Variants in CELF4 observed in about 807,000 individuals in gnomAD.
The protein encoded by CELF4 is CUG-BP- and ETR-3-like factor 4.
A neutral mutation model predicts 59.9 loss-of-function variants in CELF4; 18 were observed. The observed-to-expected ratio is 0.30, with a 90% CI of 0.21 to 0.45. The LOEUF is 0.45. CELF4 is among the 20% of genes least tolerant of loss of function. The pLI is 1.00. For missense variants in CELF4, 456 were observed against 689.0 expected, an observed-to-expected ratio of 0.66 and a Z score of 3.79; for synonymous variants, 261 against 267.1, an observed-to-expected ratio of 0.98 and a Z score of 0.22.
intron 3 of CELF4, among the ~76,000 whole-genome samples, chr18:37,299,944 A>T (rs991254656): frequency 1.3e-5 from 2 of 152,100 alleles, no homozygotes; most frequent in East Asian, 3.9e-4. Flanking sequence ...GTGCAGAGCC[A>T]CAACCCCCAC....
chr18:37,261,158 C>T lies in CELF4; in HGVS notation c.1250-1894G>A, dbSNP rs113906443. On this transcript the variant is annotated intron_variant, in intron 10 of 12. Transcript: ENST00000420428. ...GGGTGGGGCTCTTTCTCTTTTATGT[C>T]TAGAGGTTTTTCTCTCCAACCAGAC... Among the ~76,000 whole-genome samples, 310 of 152,286 alleles carry T rather than the reference C, an allele frequency of 2.0e-3. 2 individuals are homozygous for T. The highest frequency in any genetic ancestry group is 6.8e-3 in the African/African-American group (281 of 41,552).
At chr18:37,391,553 C>T (rs1207753821) in intron 2 of CELF4, among the ~76,000 whole-genome samples, 1 of 152,214 alleles carries the variant, frequency 6.6e-6, no homozygotes, top group Non-Finnish European at 1.5e-5. Context: ...ATGTCTCTGT[C>T]ATTGCCATGA....
intron 1 of CELF4, among the ~76,000 whole-genome samples, chr18:37,545,211 G>A (rs2099980613): frequency 6.6e-6 from 1 of 152,214 alleles, no homozygotes; most frequent in African/African-American, 2.4e-5. Context: ...GGTGTGAGGA[G>A]CGGGTAGTGT....
At chr18:37,400,640 G>A (rs1043657294) in intron 2 of CELF4, among the ~76,000 whole-genome samples, 6 of 152,190 alleles carry the variant, frequency 3.9e-5, no homozygotes, top group African/African-American at 1.2e-4. Flanking sequence ...CAACTGCCCA[G>A]TCCAGCTTCC....
At chr18:37,541,008 G>A (rs1003678427) in intron 1 of CELF4, among the ~76,000 whole-genome samples, 1 of 152,158 alleles carries the variant, frequency 6.6e-6, no homozygotes, top group Admixed American at 6.5e-5. Context: ...TGACCTCATA[G>A]TGTGCATCAC....
chr18:37,526,404 C>G (rs539851465), intron 1 of CELF4, among the ~76,000 whole-genome samples: 2 of 152,306 alleles, frequency 1.3e-5, no homozygotes, highest in South Asian at 4.1e-4. Context: ...TCATTTGTCT[C>G]AAGGTATTTT....
chr18:37,500,787 G>A (rs1423481699), intron 1 of CELF4, among the ~76,000 whole-genome samples: 1 of 152,056 alleles, frequency 6.6e-6, no homozygotes, highest in African/African-American at 2.4e-5. Context: ...ACCCGCCTCG[G>A]TCTCCCAAAG....
chr18:37,370,751 C>G (rs61216668), intron 2 of CELF4, among the ~76,000 whole-genome samples: 1,970 of 152,294 alleles, frequency 0.013, 43 homozygotes, highest in African/African-American at 0.045. Flanking sequence ...CCCTGCTCAG[C>G]TTCACAATGC....
intron 2 of CELF4, among the ~76,000 whole-genome samples, chr18:37,368,443 G>A (rs2098816064): frequency 6.6e-6 from 1 of 152,160 alleles, no homozygotes; most frequent in Non-Finnish European, 1.5e-5. Context: ...CCAGGGAGGG[G>A]TAGGGAGGGC....
At chr18:37,521,292 T>C (rs1603643298) in intron 1 of CELF4, among the ~76,000 whole-genome samples, 2 of 152,174 alleles carry the variant, frequency 1.3e-5, no homozygotes, top group Middle Eastern at 3.4e-3. Context: ...GAACACAAAT[T>C]AGCACGTATG....
At chr18:37,349,908 G>A (rs2098403662) in intron 2 of CELF4, among the ~76,000 whole-genome samples, 1 of 152,186 alleles carries the variant, frequency 6.6e-6, no homozygotes, top group Non-Finnish European at 1.5e-5. Context: ...GCCGGCCAGA[G>A]TTCACAGGGC....
chr18:37,270,686 T>C (rs1275810163), intron 8 of CELF4, 82 bp downstream of exon 8: 22 of 1,535,412 alleles, frequency 1.4e-5, no homozygotes, highest in African/African-American at 2.7e-5. Context: ...AGGAGCCACA[T>C]CTTGTTATAA....
intron 1 of CELF4, among the ~76,000 whole-genome samples, chr18:37,497,463 C>T (rs531024606): frequency 6.6e-6 from 1 of 152,168 alleles, no homozygotes; most frequent in East Asian, 1.9e-4. Flanking sequence ...ACCAGCCTGA[C>T]CAATATGGTG....
chr18:37,320,391 A>T (rs532332782), intron 3 of CELF4, among the ~76,000 whole-genome samples: 39 of 151,106 alleles, frequency 2.6e-4, no homozygotes, highest in African/African-American at 9.0e-4. Flanking sequence ...TGGTGGCCTC[A>T]TGGGTGTTCT....
At chr18:37,363,507 G>A (rs547188913) in intron 2 of CELF4, among the ~76,000 whole-genome samples, 18 of 152,218 alleles carry the variant, frequency 1.2e-4, no homozygotes, top group African/African-American at 3.1e-4. Context: ...ACACAAAATC[G>A]GGACACAATG....
intron 2 of CELF4, among the ~76,000 whole-genome samples, chr18:37,470,887 T>TGTGTGAGAGAGAGAGAGAGAGAGA (rs1325788685): frequency 8.3e-5 from 6 of 71,918 alleles, no homozygotes; most frequent in Non-Finnish European, 1.1e-4. Context: ...TGTGTGTGTG[T>TGTGTGAGAGAGAGAGAGAGAGAGA]GACAGAGAGA....
At chr18:37,488,793 T>C (rs1680503598) in intron 1 of CELF4, among the ~76,000 whole-genome samples, 2 of 152,140 alleles carry the variant, frequency 1.3e-5, no homozygotes, top group African/African-American at 4.8e-5. Context: ...CCTTCCCTTT[T>C]CGGGTTCAGA....
chr18:37,407,212 T>A (rs544415868), intron 2 of CELF4, among the ~76,000 whole-genome samples: 42 of 152,222 alleles, frequency 2.8e-4, no homozygotes, highest in African/African-American at 9.9e-4. Flanking sequence ...GTACATAAAG[T>A]TGGGCACACG....
intron 2 of CELF4, among the ~76,000 whole-genome samples, chr18:37,369,219 A>G (rs2098827880): frequency 6.6e-6 from 1 of 151,926 alleles, no homozygotes; most frequent in Non-Finnish European, 1.5e-5. Context: ...ACCTATAACT[A>G]TCTCTCCCAG....
Sources: allele counts gnomAD v4.1 joint callset (sites outside exome capture counted in the v4.1 genomes callset), GRCh38; gene constraint gnomAD v4.1.1; transcripts MANE v1.5; gene names NCBI Gene and HGNC (gene_info 2026-07-23, HGNC 2026-07-21).